The following DCBLD2 variants were observed in gnomAD, a reference collection of about 807,000 sequenced individuals.
DCBLD2 encodes discoidin, CUB and LCCL domain-containing protein 2.
DCBLD2 carries 54 observed loss-of-function variants against 86.8 expected under a neutral mutation model. The observed-to-expected ratio is 0.62, with a 90% confidence interval of 0.50 to 0.78. The LOEUF (loss-of-function observed/expected upper bound fraction) is 0.78. Among genes scored for constraint, DCBLD2 ranks in the 30% least tolerant of loss-of-function variants. The probability of loss-of-function intolerance (pLI) is 0.00; values close to 1 mark genes in which losing one functional copy is unlikely to be tolerated. For synonymous variants in DCBLD2, 354 were observed against 341.3 expected, an observed-to-expected ratio of 1.04 and a Z score of -0.41; for missense variants, 908 against 954.2, an observed-to-expected ratio of 0.95 and a Z score of 0.64.
At chr3:98,876,552 G>C (rs1187602722) in intron 2 of DCBLD2, among the ~76,000 whole-genome samples, 1 of 149,576 alleles carries the variant, frequency 6.7e-6, no homozygotes, top group Non-Finnish European at 1.5e-5. Flanking sequence ...AAACTTAAAA[G>C]ATATGACAAC....
At chr3:98,860,750 A>G (rs1445737445) in intron 2 of DCBLD2, among the ~76,000 whole-genome samples, 1 of 152,188 alleles carries the variant, frequency 6.6e-6, no homozygotes, top group Non-Finnish European at 1.5e-5. Flanking sequence ...GGAACAACCA[A>G]TACCAGCCAC....
At chr3:98,817,146 CAT>C in intron 9 of DCBLD2, among the ~76,000 whole-genome samples, 1 of 152,294 alleles carries the variant, frequency 6.6e-6, no homozygotes, top group Middle Eastern at 3.4e-3. Flanking sequence ...AAGGGATACA[CAT>C]CTGAATAAGA....
At chr3:98,868,024 C>T (rs137932894) in intron 2 of DCBLD2, among the ~76,000 whole-genome samples, 19,027 of 152,002 alleles carry the variant, frequency 0.13, 1,298 homozygotes, top group Middle Eastern at 0.18. Context: ...AGGATGGTCT[C>T]GATCTCCTGA....
chr3:98,889,433 T>C (rs950088435), intron 1 of DCBLD2, among the ~76,000 whole-genome samples: 4 of 151,630 alleles, frequency 2.6e-5, no homozygotes, highest in Admixed American at 1.3e-4. Flanking sequence ...AACTTGGAAA[T>C]AGGGTAAAAA....
In DCBLD2 at chr3:98,886,265, T is replaced by C. The variant is rs377253632; in HGVS notation, c.206-4498A>G. On this transcript the variant is annotated intron_variant, in intron 1 of 15. Transcript: ENST00000326840. ...CAGACCTCAAATGATATATATTTTT[T>C]CTGGGTCAGGAGCTCTTAACATTAG... Among the ~76,000 whole-genome samples the C allele has an allele frequency of 3.9e-5, 6 of 152,182 alleles. No individual in the cohort carries two copies. In the South Asian group the frequency reaches 8.3e-4, roughly 21 times the overall value.
intron 2 of DCBLD2, among the ~76,000 whole-genome samples, chr3:98,861,584 G>A (rs1311494405): frequency 5.3e-5 from 8 of 152,080 alleles, no homozygotes; most frequent in South Asian, 4.2e-4. Context: ...ACTCAAAACC[G>A]CTCAACAACG....
intron 1 of DCBLD2, among the ~76,000 whole-genome samples, chr3:98,888,636 G>T (rs75478622): frequency 0.017 from 2,570 of 152,094 alleles, 60 homozygotes; most frequent in African/African-American, 0.057. Flanking sequence ...TGTCATAAAA[G>T]ATCAGAACAG....
At chr3:98,879,623 G>C (rs149610225) in intron 2 of DCBLD2, among the ~76,000 whole-genome samples, 1 of 152,092 alleles carries the variant, frequency 6.6e-6, no homozygotes, top group Non-Finnish European at 1.5e-5. Flanking sequence ...ACCTGACCTC[G>C]TGATCCGCCC....
Position 98,820,872 on chromosome 3 carries a change from T to G in DCBLD2, c.831-584A>C, listed in dbSNP as rs551120855. ...ACAAACCATTACAAGAGGATGCAAT[T>G]TATCCCTGTTTTCTTTTTTAAAGTA... On this transcript the variant is annotated intron_variant, in intron 6 of 15. Transcript: ENST00000326840. The G allele has an allele frequency of 2.6e-4, 39 of 151,242 alleles. 1 individual carries two copies. Among genetic ancestry groups the G allele is most frequent in the African/African-American group, 9.4e-4 (39 of 41,336 alleles). 9.4% of individuals were successfully genotyped at this position (151,242 alleles called of 1,614,324 possible).
chr3:98,884,696 T>G (rs1234848591), intron 1 of DCBLD2, among the ~76,000 whole-genome samples: 1 of 152,108 alleles, frequency 6.6e-6, no homozygotes, highest in Non-Finnish European at 1.5e-5. Flanking sequence ...AAATAACCAC[T>G]GAATAAACAA....
In DCBLD2 at chr3:98,799,609, G is replaced by A. The variant is rs370982934; in HGVS notation, c.2091C>T (p.Ser697=). The A allele has an allele frequency of 7.4e-6, 12 of 1,613,888 alleles. No homozygotes were observed. In the African/African-American group the frequency reaches 1.5e-4, roughly 20 times the overall value. ...TCCCCGTAGCCTTGAAAGTGGATGT[G>A]GAGGGCTGACCAACTGAAGTTGTGG... ...GHPTTSVGQP[S]TSTFKATGNQ... Residue 697 remains serine, a synonymous_variant, in exon 16 of 16, where the codon TCC becomes TCT. Coordinates refer to ENST00000326840, the MANE Select transcript of DCBLD2 (RefSeq NM_080927.4).
Position 98,879,449 on chromosome 3 carries a change from C to T in DCBLD2, c.433+2091G>A, listed in dbSNP as rs574343629. Among the ~76,000 whole-genome samples, 19 of 152,108 alleles carry T rather than the reference C, an allele frequency of 1.2e-4. 1 individual carries two copies. Among genetic ancestry groups the T allele is most frequent in the South Asian group, 2.1e-4 (1 of 4,806 alleles). Reference sequence around the variant, plus strand: ...TCACCCAGGCTGGAGTGCAGTGGCTCGATCTCGGCTCACTGCAAGCTCCGT... The same window carrying T: ...TCACCCAGGCTGGAGTGCAGTGGCTTGATCTCGGCTCACTGCAAGCTCCGT... On this transcript the variant is annotated intron_variant, in intron 2 of 15. Coordinates refer to ENST00000326840, the MANE Select transcript of DCBLD2 (RefSeq NM_080927.4).
At chr3:98,888,009 T>C (rs906344311) in intron 1 of DCBLD2, among the ~76,000 whole-genome samples, 4 of 151,994 alleles carry the variant, frequency 2.6e-5, no homozygotes, top group African/African-American at 9.7e-5. Context: ...AAAACCCTGG[T>C]AACCACTGAT....
chr3:98,842,497 T>A (rs1197827727), intron 3 of DCBLD2, among the ~76,000 whole-genome samples: 1 of 152,238 alleles, frequency 6.6e-6, no homozygotes, highest in Non-Finnish European at 1.5e-5. Context: ...AATTAACATT[T>A]ACTAAGTACC....
intron 1 of DCBLD2, 36 bp from the exon 2 acceptor site, chr3:98,881,803 C>T (rs1353795023): frequency 3.8e-6 from 6 of 1,560,562 alleles, no homozygotes; most frequent in Non-Finnish European, 5.2e-6. Flanking sequence ...AAATTATTCT[C>T]ACATATTTTA....
chr3:98,874,829 A>G lies in DCBLD2; in HGVS notation c.433+6711T>C, dbSNP rs557582067. On this transcript the variant is annotated intron_variant, in intron 2 of 15. Transcript: ENST00000326840. Reference sequence around the variant, plus strand: ...ACACAGGAAGAAGGTGGCCATCTACAAGCCAGGAAGAGAGCCCTCACCAGA... The same window carrying G: ...ACACAGGAAGAAGGTGGCCATCTACGAGCCAGGAAGAGAGCCCTCACCAGA... 5.9e-5 allele frequency among the ~76,000 whole-genome samples: 9 copies of G among 152,344 alleles called. No individual in the cohort carries two copies. In the South Asian group the frequency reaches 1.0e-3, roughly 18 times the overall value.
At chr3:98,868,431 C>T (rs981689179) in intron 2 of DCBLD2, among the ~76,000 whole-genome samples, 3 of 152,086 alleles carry the variant, frequency 2.0e-5, no homozygotes, top group African/African-American at 7.2e-5. Flanking sequence ...GGTTTGTCCC[C>T]ATGAAATCTC....
intron 2 of DCBLD2, among the ~76,000 whole-genome samples, chr3:98,875,741 T>C (rs1045966038): frequency 1.3e-5 from 2 of 152,058 alleles, no homozygotes; most frequent in African/African-American, 2.4e-5. Context: ...AGTCCAGAAA[T>C]AGACCCAAGC....
chr3:98,843,196 A>T (rs1942653090), intron 3 of DCBLD2, among the ~76,000 whole-genome samples: 1 of 152,184 alleles, frequency 6.6e-6, no homozygotes, highest in Non-Finnish European at 1.5e-5. Flanking sequence ...CGTGTTAATT[A>T]TATTATACAT....
Sources: gnomAD v4.1 joint callset for allele counts (sites outside exome capture counted in the v4.1 genomes callset) on GRCh38, gnomAD v4.1.1 for gene constraint, MANE v1.5 for transcripts, NCBI Gene and HGNC (gene_info 2026-07-23, HGNC 2026-07-21) for gene names.